The following RIMS2 variants were observed in gnomAD, a reference collection of about 807,000 sequenced individuals.
RIMS2 encodes the protein regulating synaptic membrane exocytosis 2.
Under a neutral mutation model 174.4 loss-of-function variants are expected in RIMS2, and 59 were observed. The ratio of observed to expected loss-of-function variants is 0.34; its 90% CI spans 0.27 to 0.42. The LOEUF is 0.42. Among genes scored for constraint, RIMS2 ranks in the 10% least tolerant of loss-of-function variants. The pLI, the probability that RIMS2 is intolerant of heterozygous loss-of-function variation, is 1.00. For synonymous variants in RIMS2, 606 were observed against 572.5 expected, an observed-to-expected ratio of 1.06 and a Z score of -0.84; for missense variants, 1,620 against 1,666.3, an observed-to-expected ratio of 0.97 and a Z score of 0.48.
chr8:104,159,520 T>A (rs2098747565), intron 19 of RIMS2, among the ~76,000 whole-genome samples: 1 of 152,112 alleles, frequency 6.6e-6, no homozygotes, highest in Admixed American at 6.6e-5. Context: ...GCTGTACAAG[T>A]TTATATTCCC....
At chr8:103,750,884 C>A (rs1477385777) in intron 2 of RIMS2, among the ~76,000 whole-genome samples, 1 of 152,140 alleles carries the variant, frequency 6.6e-6, no homozygotes, top group Non-Finnish European at 1.5e-5. Flanking sequence ...GCTATGTCCC[C>A]AACCAAATCT....
chr8:104,193,326 G>A (rs1210339560), intron 19 of RIMS2, among the ~76,000 whole-genome samples: 1 of 152,024 alleles, frequency 6.6e-6, no homozygotes, highest in Non-Finnish European at 1.5e-5. Context: ...TGTACTCCAT[G>A]GTGTTCAATT....
At chr8:103,645,834 A>G (rs796618351) in intron 1 of RIMS2, among the ~76,000 whole-genome samples, 23 of 152,314 alleles carry the variant, frequency 1.5e-4, no homozygotes, top group African/African-American at 5.1e-4. Flanking sequence ...GGAATATTAA[A>G]AAAATGAATA....
intron 19 of RIMS2, among the ~76,000 whole-genome samples, chr8:104,179,123 C>G (rs991947790): frequency 1.3e-5 from 2 of 151,842 alleles, no homozygotes; most frequent in Non-Finnish European, 2.9e-5. Flanking sequence ...TATTTTTTGT[C>G]TGTAAGTCAT....
At chr8:103,910,841 C>G (rs1289434083) in intron 5 of RIMS2, among the ~76,000 whole-genome samples, 1 of 152,192 alleles carries the variant, frequency 6.6e-6, no homozygotes, top group Non-Finnish European at 1.5e-5. Context: ...TTAAAAACCA[C>G]AAATAATAAA....
intron 1 of RIMS2, among the ~76,000 whole-genome samples, chr8:103,621,995 A>G (rs2095646170): frequency 6.6e-6 from 1 of 152,192 alleles, no homozygotes; most frequent in Non-Finnish European, 1.5e-5. Context: ...GTGTGTATAA[A>G]AATAATCCAA....
intron 19 of RIMS2, among the ~76,000 whole-genome samples, chr8:104,118,351 T>TTTGTTTTC (rs1233047196): frequency 4.6e-5 from 5 of 109,628 alleles, no homozygotes; most frequent in Non-Finnish European, 7.1e-5. Context: ...TTGTTTATTT[T>TTTGTTTTC]TTGTTTTTTT....
At position 103,910,530 on chromosome 8, in the gene RIMS2, G is replaced by A. The variant is rs2075465016; in HGVS notation, c.1692+329G>A. 3.2e-6 allele frequency: 5 copies of A among 1,576,914 alleles called. No homozygotes were observed. The South Asian group carries it at 3.3e-5, about 10-fold the overall frequency. ...CGAGGAGCATAGCCATAGTGATAAG[G>A]TACTGAGATTGTGGAGCCTGCCTTT... On this transcript the variant is annotated intron_variant, in intron 5 of 23. Coordinates refer to ENST00000504942, the Ensembl canonical transcript of RIMS2.
At chr8:103,942,662 C>T in intron 13 of RIMS2, 111 bp from the exon 16 acceptor site, 2 of 739,870 alleles carry the variant, frequency 2.7e-6, no homozygotes, top group Non-Finnish European at 4.1e-6. Context: ...CCTTGTTTTT[C>T]ATGTAATAGC....
chr8:103,735,177 A>G (rs1187822975), intron 2 of RIMS2, among the ~76,000 whole-genome samples: 1 of 152,118 alleles, frequency 6.6e-6, no homozygotes, highest in Non-Finnish European at 1.5e-5. Flanking sequence ...TTTCTCCTCA[A>G]AGAGCCTTGT....
chr8:104,111,839 ATG>A (rs902359549), intron 19 of RIMS2, among the ~76,000 whole-genome samples: 84 of 152,268 alleles, frequency 5.5e-4, no homozygotes, highest in African/African-American at 1.9e-3. Flanking sequence ...ATGCATGCAT[ATG>A]TGTGTCTATG....
intron 7 of RIMS2, 96 bp from the exon 11 acceptor site, chr8:103,916,318 A>G (rs1222867764): frequency 1.2e-6 from 1 of 837,480 alleles, no homozygotes; most frequent in African/African-American, 1.7e-5. Context: ...TGGTTATTTT[A>G]TCCTATGGAG....
chr8:103,759,616 G>GGC (rs2098085919), intron 2 of RIMS2, among the ~76,000 whole-genome samples: 1 of 148,022 alleles, frequency 6.8e-6, no homozygotes. Flanking sequence ...GCCAAGAAAA[G>GGC]GCCAGACTTG....
At chr8:103,525,906 A>G (rs930767018) in intron 1 of RIMS2, among the ~76,000 whole-genome samples, 2 of 152,232 alleles carry the variant, frequency 1.3e-5, no homozygotes, top group Admixed American at 1.3e-4. Flanking sequence ...TGGATCAAAT[A>G]TAAAAATCAT....
intron 17 of RIMS2, among the ~76,000 whole-genome samples, chr8:103,989,934 G>A (rs980169011): frequency 6.6e-6 from 1 of 152,056 alleles, no homozygotes; most frequent in Non-Finnish European, 1.5e-5. Flanking sequence ...AACCTTTTAA[G>A]CATCTTAAAG....
At chr8:103,791,187 C>G (rs942995026) in intron 3 of RIMS2, among the ~76,000 whole-genome samples, 5 of 152,260 alleles carry the variant, frequency 3.3e-5, no homozygotes, top group African/African-American at 9.6e-5. Context: ...TCGGGTTACC[C>G]ACAAAGGGAG....
chr8:103,832,040 G>A (rs900393535), intron 3 of RIMS2, among the ~76,000 whole-genome samples: 1 of 152,100 alleles, frequency 6.6e-6, no homozygotes, highest in African/African-American at 2.4e-5. Flanking sequence ...TGTCTCAATA[G>A]TGAAAAATGC....
At chr8:103,827,082 A>C (rs2098795739) in intron 3 of RIMS2, among the ~76,000 whole-genome samples, 1 of 152,154 alleles carries the variant, frequency 6.6e-6, no homozygotes, top group African/African-American at 2.4e-5. Flanking sequence ...AAGAAATAAC[A>C]TCTTAACATT....
At position 103,920,855 on chromosome 8, in the gene RIMS2, C is replaced by T. The variant is rs182576014; in HGVS notation, c.2084-817C>T. 516 of 347,540 alleles carry T rather than the reference C, an allele frequency of 1.5e-3. 1 individual carries two copies. The highest frequency in any genetic ancestry group is 0.011 in the African/African-American group (484 of 44,644). The allele number at this position is 347,540 out of a possible 1,614,324, so 21.5% of individuals were successfully genotyped here. On this transcript the variant is annotated intron_variant, in intron 9 of 23. Transcript: ENST00000504942. ...AAAAAAAAAAATACAAAAAATTATC[C>T]GGACGTGGTGGCAGGCGCCTGTAGT...
Sources: allele counts gnomAD v4.1 joint callset (sites outside exome capture counted in the v4.1 genomes callset), GRCh38; gene constraint gnomAD v4.1.1; transcripts MANE v1.5; gene names NCBI Gene and HGNC (gene_info 2026-07-23, HGNC 2026-07-21).